The following SNTG2 variants were observed in gnomAD, a reference collection of about 807,000 sequenced individuals.
SNTG2 encodes the protein syntrophin gamma 2, also known as gamma-2-syntrophin.
Under a neutral mutation model 70.9 loss-of-function variants are expected in SNTG2, and 74 were observed. That is an observed-to-expected ratio of 1.04 (90% CI 0.86 to 1.27). SNTG2 has a LOEUF of 1.27. Ranked by LOEUF, SNTG2 falls within the 50% of genes most tolerant of loss-of-function variation. The pLI is 0.00. For synonymous variants in SNTG2, 278 were observed against 273.8 expected (o/e 1.02, Z -0.15); for missense variants, 717 against 690.7 (o/e 1.04, Z -0.43).
At chr2:1,083,836 C>G (rs1278873883) in intron 2 of SNTG2, among the ~76,000 whole-genome samples, 181 bp downstream of exon 2, 3 of 152,214 alleles carry the variant, frequency 2.0e-5, no homozygotes, top group Non-Finnish European at 4.4e-5. Flanking sequence ...ATTATTTACT[C>G]TCTCCCTGAC....
At chr2:1,063,142 T>C (rs2148118010) in intron 1 of SNTG2, among the ~76,000 whole-genome samples, 1 of 152,330 alleles carries the variant, frequency 6.6e-6, no homozygotes, top group South Asian at 2.1e-4. Flanking sequence ...CATAGTTCTT[T>C]AAAATCTATG....
At chr2:1,223,804 G>T (rs1010220505) in intron 9 of SNTG2, among the ~76,000 whole-genome samples, 2 of 149,944 alleles carry the variant, frequency 1.3e-5, no homozygotes. Context: ...TTTAGTCAGT[G>T]TGGGCTGCCA....
At chr2:1,357,217 G>A (rs553475080) in intron 16 of SNTG2, among the ~76,000 whole-genome samples, 193 of 152,274 alleles carry the variant, frequency 1.3e-3, no homozygotes, top group Middle Eastern at 6.8e-3. Flanking sequence ...AGGGGCAAAA[G>A]TGGGCATAAT....
chr2:1,103,553 C>G (rs1235406812), intron 4 of SNTG2: 1 of 165,570 alleles, frequency 6.0e-6, no homozygotes, highest in African/African-American at 2.4e-5. Flanking sequence ...CCACGCTCGG[C>G]TAATTTTTGT....
At chr2:1,132,821 A>ACCC in intron 4 of SNTG2, among the ~76,000 whole-genome samples, 1 of 152,110 alleles carries the variant, frequency 6.6e-6, no homozygotes, top group Non-Finnish European at 1.5e-5. Context: ...TTAGAGCTAA[A>ACCC]CACCTCCCAG....
chr2:1,316,407 A>C (rs2148263865), intron 16 of SNTG2, 32 bp downstream of exon 16: 1 of 1,122,236 alleles, frequency 8.9e-7, no homozygotes, highest in East Asian at 2.6e-5. Context: ...TTATTCTGCC[A>C]CCACCCACAC....
chr2:1,069,339 GA>G lies in SNTG2; in HGVS notation c.73-14166del, dbSNP rs36036888. 9.4e-3 allele frequency among the ~76,000 whole-genome samples: 1,336 copies of G among 142,736 alleles called. 16 individuals are homozygous for G. Among genetic ancestry groups the G allele is most frequent in the African/African-American group, 0.029 (1,111 of 38,568 alleles). 93.6% of individuals were successfully genotyped at this position (142,736 alleles called of 152,430 possible). On this transcript the variant is annotated intron_variant, in intron 1 of 16. Transcript: ENST00000308624. ...AAATGAAAAAAATTCTTATATAAAT[GA>G]AAAAAAAAAAAACCTCTTGTCTTCT...
At chr2:1,173,426 A>G (rs1378657188) in intron 8 of SNTG2, among the ~76,000 whole-genome samples, 7 of 152,230 alleles carry the variant, frequency 4.6e-5, no homozygotes. Context: ...CTCAGTGAGC[A>G]GGCAAGAATT....
At chr2:1,080,986 A>G (rs949575911) in intron 1 of SNTG2, among the ~76,000 whole-genome samples, 1 of 152,136 alleles carries the variant, frequency 6.6e-6, no homozygotes, top group African/African-American at 2.4e-5. Context: ...AGTCATAGTA[A>G]CTGGCAGGGA....
intron 1 of SNTG2, among the ~76,000 whole-genome samples, chr2:989,691 A>AT (rs766655526): frequency 1.3e-4 from 20 of 152,378 alleles, no homozygotes; most frequent in Non-Finnish European, 2.5e-4. Context: ...TAATTCTGGC[A>AT]TTATAAAACG....
intron 8 of SNTG2, among the ~76,000 whole-genome samples, chr2:1,179,183 T>G (rs1005130425): frequency 5.3e-5 from 8 of 152,312 alleles, no homozygotes; most frequent in Admixed American, 2.6e-4. Flanking sequence ...ATCTATTTGA[T>G]TCTTCTCTCT....
intron 9 of SNTG2, among the ~76,000 whole-genome samples, chr2:1,225,418 C>T (rs968116401): frequency 6.6e-6 from 1 of 152,136 alleles, no homozygotes; most frequent in Admixed American, 6.6e-5. Flanking sequence ...AATCAGGATG[C>T]TTTTGTGAAA....
intron 8 of SNTG2, among the ~76,000 whole-genome samples, chr2:1,180,300 A>G (rs1671785434): frequency 7.3e-6 from 1 of 136,476 alleles, no homozygotes; most frequent in African/African-American, 2.6e-5. Flanking sequence ...ATGGGAGAAA[A>G]TTTTTGCAAC....
chr2:990,610 A>G (rs556437642), intron 1 of SNTG2, among the ~76,000 whole-genome samples: 5 of 152,344 alleles, frequency 3.3e-5, no homozygotes, highest in African/African-American at 9.6e-5. Context: ...TAGAGCTTCA[A>G]CATCATCTAG....
At chr2:1,242,817 G>C (rs1677136046) in intron 11 of SNTG2, 1 of 151,778 alleles carries the variant, frequency 6.6e-6, no homozygotes, top group Non-Finnish European at 1.5e-5. Flanking sequence ...GAAAAGAAGA[G>C]GACTCTCTTA....
intron 1 of SNTG2, among the ~76,000 whole-genome samples, chr2:982,493 G>GT (rs897210168): frequency 3.3e-5 from 5 of 152,140 alleles, no homozygotes; most frequent in African/African-American, 7.2e-5. Context: ...GCTTTTCTAG[G>GT]TTTTTTGTGT....
intron 1 of SNTG2, among the ~76,000 whole-genome samples, chr2:1,022,184 A>T (rs932962397): frequency 6.6e-6 from 1 of 152,008 alleles, no homozygotes; most frequent in African/African-American, 2.4e-5. Flanking sequence ...AAGGAAAGGA[A>T]ATCCTGCGCT....
intron 1 of SNTG2, among the ~76,000 whole-genome samples, chr2:1,009,976 C>T (rs531692280): frequency 1.4e-4 from 22 of 152,160 alleles, no homozygotes; most frequent in South Asian, 4.2e-4. Context: ...GTTAAGTCAC[C>T]GTTTGGGGGA....
intron 1 of SNTG2, among the ~76,000 whole-genome samples, chr2:980,220 C>T (rs1423488981): frequency 1.3e-5 from 2 of 152,188 alleles, no homozygotes; most frequent in African/African-American, 4.8e-5. Context: ...TTGTATGTTA[C>T]AGTTACATGT....
Sources: gnomAD v4.1 joint callset for allele counts (sites outside exome capture counted in the v4.1 genomes callset) on GRCh38, gnomAD v4.1.1 for gene constraint, MANE v1.5 for transcripts, NCBI Gene and HGNC (gene_info 2026-07-23, HGNC 2026-07-21) for gene names.